The following ABCD3 variants were observed in gnomAD, a reference collection of about 807,000 sequenced individuals.
ABCD3 encodes the protein ATP binding cassette subfamily D member 3, also known as ATP-binding cassette sub-family D member 3.
Under a neutral mutation model 105.5 loss-of-function variants are expected in ABCD3, and 41 were observed. The ratio of observed to expected loss-of-function variants is 0.39; its 90% CI spans 0.30 to 0.50. The LOEUF is 0.50. Ranked by LOEUF, ABCD3 falls within the 20% of genes least tolerant of loss-of-function variation. The probability of loss-of-function intolerance (pLI) is 0.84; values close to 1 mark genes in which losing one functional copy is unlikely to be tolerated. For synonymous variants in ABCD3, 258 were observed against 269.0 expected (o/e 0.96, Z 0.40); for missense variants, 622 against 806.3 (o/e 0.77, Z 2.77).
intron 1 of ABCD3, among the ~76,000 whole-genome samples, chr1:94,431,269 C>A (rs1659668605): frequency 1.3e-5 from 2 of 152,030 alleles, no homozygotes; most frequent in Non-Finnish European, 2.9e-5. Flanking sequence ...TTTCCTCTTT[C>A]CAGAATGAGG....
chr1:94,393,667 A>G, the ABCD3 span, among the ~76,000 whole-genome samples: 1 of 152,090 alleles, frequency 6.6e-6, no homozygotes, highest in Admixed American at 6.6e-5. Flanking sequence ...AAAGAAAGAA[A>G]GAAGATTGCG....
At chr1:94,393,641 AAAAAGAAAGAAAAG>A in the ABCD3 span, among the ~76,000 whole-genome samples, 3 of 152,144 alleles carry the variant, frequency 2.0e-5, no homozygotes, top group African/African-American at 7.2e-5. Flanking sequence ...TCTGTCTCAA[AAAAAGAAAGAAAAG>A]AAAAGAAAGA....
At chr1:94,420,742 C>A (rs1229333522) in intron 1 of ABCD3, among the ~76,000 whole-genome samples, 1 of 152,122 alleles carries the variant, frequency 6.6e-6, no homozygotes, top group African/African-American at 2.4e-5. Context: ...TTTGGTATCA[C>A]AGTTTGAAGA....
chr1:94,420,601 C>T (rs778650300), intron 1 of ABCD3, among the ~76,000 whole-genome samples: 10 of 152,062 alleles, frequency 6.6e-5, no homozygotes, highest in Non-Finnish European at 1.3e-4. Context: ...AGATTCTGAG[C>T]AGATAATCAT....
chr1:94,469,132 G>C (rs1376701852), intron 4 of ABCD3, among the ~76,000 whole-genome samples: 2 of 152,106 alleles, frequency 1.3e-5, no homozygotes, highest in Non-Finnish European at 2.9e-5. Flanking sequence ...CTGTCATTAC[G>C]TGGAGCCGGT....
At chr1:94,418,630 G>A in intron 1 of ABCD3, 42 bp downstream of exon 1, 1 of 1,548,430 alleles carries the variant, frequency 6.5e-7, no homozygotes, top group Non-Finnish European at 8.7e-7. Context: ...GGGCTGGAGC[G>A]GGCGCTCCCC....
At chr1:94,483,975 C>G (rs1377754826) in intron 10 of ABCD3, among the ~76,000 whole-genome samples, 1 of 152,110 alleles carries the variant, frequency 6.6e-6, no homozygotes, top group Non-Finnish European at 1.5e-5. Flanking sequence ...AAAAAGTGGG[C>G]AAAGGATATG....
chr1:94,464,746 C>T lies in ABCD3; in HGVS notation c.148-29C>T, dbSNP rs1166772720. ...TTTATGATATGTTTGTTATAGCTAT[C>T]TTAAAAGGGCTTCTTTTTTTTAATG... On this transcript the variant is annotated intron_variant, in intron 2 of 22. Transcript: ENST00000370214. 3.2e-6 allele frequency: 5 copies of T among 1,573,388 alleles called. No individual in the cohort carries two copies. In the South Asian group the frequency reaches 3.3e-5, roughly 10 times the overall value.
intron 19 of ABCD3, 26 bp from the exon 20 acceptor site, chr1:94,499,469 T>A: frequency 6.2e-7 from 1 of 1,609,530 alleles, no homozygotes; most frequent in African/African-American, 1.3e-5. Context: ...TAAGTTTAAT[T>A]TCATCTTTAA....
intron 21 of ABCD3, among the ~76,000 whole-genome samples, chr1:94,508,940 A>G (rs1276392899): frequency 1.3e-5 from 2 of 152,166 alleles, no homozygotes; most frequent in East Asian, 1.9e-4. Context: ...AACAGGGACA[A>G]TTTGACTTCC....
At chr1:94,394,400 G>A in the ABCD3 span, among the ~76,000 whole-genome samples, 1 of 152,156 alleles carries the variant, frequency 6.6e-6, no homozygotes, top group African/African-American at 2.4e-5. Flanking sequence ...GATTACCTTT[G>A]CTGATAGAAA....
At chr1:94,387,429 T>C in the ABCD3 span, among the ~76,000 whole-genome samples, 1 of 152,192 alleles carries the variant, frequency 6.6e-6, no homozygotes, top group South Asian at 2.1e-4. Context: ...GGCACCAGGC[T>C]ACTGACAACC....
upstream of ABCD3, among the ~76,000 whole-genome samples, chr1:94,413,476 A>G (rs1658951351): frequency 6.6e-6 from 1 of 152,208 alleles, no homozygotes; most frequent in African/African-American, 2.4e-5. Context: ...CTAGTGAGAC[A>G]GGACTATCTG....
intron 2 of ABCD3, among the ~76,000 whole-genome samples, chr1:94,461,595 C>G (rs1310627210): frequency 6.6e-6 from 1 of 151,850 alleles, no homozygotes; most frequent in Middle Eastern, 3.2e-3. Flanking sequence ...TTTTAGGTCA[C>G]TTCATGTTTA....
chr1:94,448,969 T>C (rs1660465109), intron 1 of ABCD3, among the ~76,000 whole-genome samples: 1 of 152,094 alleles, frequency 6.6e-6, no homozygotes, highest in Non-Finnish European at 1.5e-5. Context: ...GCCTAAAGGC[T>C]AGATGCTATC....
At chr1:94,408,483 AC>A in the ABCD3 span, among the ~76,000 whole-genome samples, 1 of 151,744 alleles carries the variant, frequency 6.6e-6, no homozygotes, top group African/African-American at 2.4e-5. Flanking sequence ...AATCCCAGCT[AC>A]TAGAGAGGCT....
intron 21 of ABCD3, among the ~76,000 whole-genome samples, chr1:94,507,811 G>T (rs898098377): frequency 4.8e-4 from 70 of 145,322 alleles, no homozygotes; most frequent in African/African-American, 1.6e-3. Flanking sequence ...GTCTGTTCAT[G>T]TCCTTCGCCC....
chr1:94,517,355 A>C lies in ABCD3; in HGVS notation c.*226A>C, dbSNP rs1424018871. On this transcript the variant is annotated 3_prime_UTR_variant, in exon 23 of 23. Transcript: ENST00000370214. ...TTGGTTTAATTAATAATATGTACTA[A>C]GAATGTCCTTATTCTTGTGGTTAAA... 21 of 453,396 alleles carry C rather than the reference A, an allele frequency of 4.6e-5. No individual in the cohort carries two copies. The allele number at this position is 453,396 out of a possible 1,614,324, so 28.1% of individuals were successfully genotyped here.
chr1:94,408,236 A>G, the ABCD3 span, among the ~76,000 whole-genome samples: 174 of 152,332 alleles, frequency 1.1e-3, no homozygotes, highest in Non-Finnish European at 2.3e-3. Flanking sequence ...TGACTGAGCC[A>G]AGTCTTGAAA....
Sources: allele counts gnomAD v4.1 joint callset (sites outside exome capture counted in the v4.1 genomes callset), GRCh38; gene constraint gnomAD v4.1.1; transcripts MANE v1.5; gene names NCBI Gene and HGNC (gene_info 2026-07-23, HGNC 2026-07-21).